NCKAP5: variants seen among roughly 807,000 people sequenced by gnomAD.
The protein encoded by NCKAP5 is NCK associated protein 5.
A neutral mutation model predicts 167.0 loss-of-function variants in NCKAP5; 92 were observed. That is an observed-to-expected ratio of 0.55 (90% CI 0.47 to 0.66). NCKAP5 has a LOEUF of 0.66. Ranked by LOEUF, NCKAP5 falls within the 30% of genes least tolerant of loss-of-function variation. NCKAP5 has a pLI of 0.00. For synonymous variants in NCKAP5, 891 were observed against 877.4 expected, an observed-to-expected ratio of 1.02 and a Z score of -0.27; for missense variants, 2,378 against 2,315.0, an observed-to-expected ratio of 1.03 and a Z score of -0.56.
chr2:132,674,889 C>G (rs1438261028), intron 19 of NCKAP5, among the ~76,000 whole-genome samples: 4 of 152,134 alleles, frequency 2.6e-5, no homozygotes, highest in African/African-American at 9.7e-5. Context: ...ACCCTGAAAC[C>G]AGAGGCGGGC....
chr2:132,988,207 G>A (rs1023612768), intron 7 of NCKAP5, among the ~76,000 whole-genome samples: 4 of 152,098 alleles, frequency 2.6e-5, no homozygotes, highest in Non-Finnish European at 5.9e-5. Flanking sequence ...TTCTACATAC[G>A]TAATCCCAGC....
the NCKAP5 span, among the ~76,000 whole-genome samples, chr2:133,645,550 A>G: frequency 2.0e-5 from 3 of 152,226 alleles, no homozygotes; most frequent in African/African-American, 7.2e-5. Flanking sequence ...AAGAAGCATT[A>G]TCTAAAACAA....
chr2:132,909,126 C>T (rs1193527595), intron 8 of NCKAP5, among the ~76,000 whole-genome samples: 1 of 152,144 alleles, frequency 6.6e-6, no homozygotes, highest in Non-Finnish European at 1.5e-5. Flanking sequence ...GCAGGAGGAC[C>T]ACTTGAGGTC....
chr2:132,716,557 C>G (rs907563735), intron 19 of NCKAP5, among the ~76,000 whole-genome samples: 1 of 151,838 alleles, frequency 6.6e-6, no homozygotes, highest in Non-Finnish European at 1.5e-5. Context: ...AAGTGTTGGG[C>G]TGCAACACAT....
At chr2:133,311,513 T>A (rs1344431392) in intron 3 of NCKAP5, among the ~76,000 whole-genome samples, 1 of 152,144 alleles carries the variant, frequency 6.6e-6, no homozygotes, top group Admixed American at 6.5e-5. Flanking sequence ...CATTGGCCAT[T>A]GGTGGTCAAC....
chr2:133,394,411 G>C (rs1574871226), intron 3 of NCKAP5, among the ~76,000 whole-genome samples: 3 of 152,174 alleles, frequency 2.0e-5, no homozygotes, highest in Non-Finnish European at 2.9e-5. Flanking sequence ...TCCAAGACAA[G>C]AGCTAAGAAT....
chr2:133,538,931 GTTTT>G (rs71412735), intron 2 of NCKAP5, among the ~76,000 whole-genome samples: 31,884 of 109,328 alleles, frequency 0.29, 4,670 homozygotes, highest in East Asian at 0.44. Flanking sequence ...GTTTTTTTGG[GTTTT>G]TTTTTTTTTT....
intron 11 of NCKAP5, among the ~76,000 whole-genome samples, chr2:132,832,063 T>C (rs923155537): frequency 1.4e-4 from 21 of 152,156 alleles, no homozygotes; most frequent in African/African-American, 5.1e-4. Flanking sequence ...GGTTGTAGCT[T>C]TATAATTTGT....
chr2:132,977,468 A>C (rs544065664), intron 7 of NCKAP5, among the ~76,000 whole-genome samples: 1 of 152,222 alleles, frequency 6.6e-6, no homozygotes, highest in East Asian at 1.9e-4. Context: ...CTCACATAGG[A>C]GCAAATCAAC....
chr2:133,292,305 T>TA (rs35929972), intron 4 of NCKAP5, among the ~76,000 whole-genome samples: 2,421 of 143,998 alleles, frequency 0.017, 70 homozygotes, highest in African/African-American at 0.055. Flanking sequence ...CTTCTAGATT[T>TA]AAAAAAAAAA....
chr2:133,322,085 G>C (rs1036164307), intron 3 of NCKAP5, among the ~76,000 whole-genome samples: 1 of 152,150 alleles, frequency 6.6e-6, no homozygotes, highest in Non-Finnish European at 1.5e-5. Flanking sequence ...TAAAGTGAGT[G>C]TCATTCCCTC....
intron 3 of NCKAP5, among the ~76,000 whole-genome samples, chr2:133,471,035 C>A (rs72846375): frequency 0.24 from 35,988 of 152,154 alleles, 4,504 homozygotes; most frequent in African/African-American, 0.3. Context: ...TTGGCTCCTC[C>A]CCCCCTGCTT....
At chr2:132,749,318 G>A (rs1179985054) in intron 16 of NCKAP5, among the ~76,000 whole-genome samples, 5 of 151,546 alleles carry the variant, frequency 3.3e-5, no homozygotes, top group East Asian at 3.9e-4. Flanking sequence ...ATCCTCCCAC[G>A]TCAGCCTCCT....
chr2:132,973,673 C>T (rs76102186), intron 7 of NCKAP5, among the ~76,000 whole-genome samples: 1,740 of 152,012 alleles, frequency 0.011, 33 homozygotes, highest in African/African-American at 0.04. Flanking sequence ...ATAAAACTTT[C>T]GTGCTTCTTT....
At chr2:133,163,005 C>T (rs981999112) in intron 5 of NCKAP5, among the ~76,000 whole-genome samples, 8 of 151,996 alleles carry the variant, frequency 5.3e-5, no homozygotes, top group Non-Finnish European at 4.4e-5. Context: ...AGAGAACTGC[C>T]CAAGGAAACT....
At chr2:132,882,996 C>A (rs556273611) in intron 8 of NCKAP5, among the ~76,000 whole-genome samples, 1 of 151,778 alleles carries the variant, frequency 6.6e-6, no homozygotes, top group African/African-American at 2.4e-5. Context: ...AGTTTGAGAC[C>A]GGCCTGGGCG....
intron 6 of NCKAP5, among the ~76,000 whole-genome samples, chr2:133,024,990 G>T (rs766345600): frequency 6.6e-6 from 1 of 152,172 alleles, no homozygotes; most frequent in African/African-American, 2.4e-5. Flanking sequence ...TAACCAAGTC[G>T]TATAGTTGTC....
chr2:132,769,615 G>T (rs1373621403), intron 16 of NCKAP5, among the ~76,000 whole-genome samples: 1 of 152,100 alleles, frequency 6.6e-6, no homozygotes, highest in Non-Finnish European at 1.5e-5. Flanking sequence ...GGACTTTTTA[G>T]AAGGTCTGTG....
intron 8 of NCKAP5, among the ~76,000 whole-genome samples, chr2:132,947,346 A>C (rs1003593322): frequency 6.6e-6 from 1 of 152,322 alleles, no homozygotes; most frequent in Non-Finnish European, 1.5e-5. Flanking sequence ...AGATATGCTA[A>C]TTTATGTACT....
Sources: gnomAD v4.1 joint callset for allele counts (sites outside exome capture counted in the v4.1 genomes callset) on GRCh38, gnomAD v4.1.1 for gene constraint, MANE v1.5 for transcripts, NCBI Gene and HGNC (gene_info 2026-07-23, HGNC 2026-07-21) for gene names.